Variants in IL18RAP observed in about 807,000 individuals in gnomAD.
IL18RAP encodes interleukin-18 receptor accessory protein.
IL18RAP carries 37 observed loss-of-function variants against 58.1 expected under a neutral mutation model. That is an observed-to-expected ratio of 0.64 (90% CI 0.49 to 0.84). The LOEUF (loss-of-function observed/expected upper bound fraction) is 0.84, where lower values mean the gene tolerates loss of function less well. Ranked by LOEUF, IL18RAP falls within the 40% of genes least tolerant of loss-of-function variation. The probability of loss-of-function intolerance (pLI) is 0.00; values close to 1 mark genes in which losing one functional copy is unlikely to be tolerated. For synonymous variants in IL18RAP, 268 were observed against 257.5 expected, an observed-to-expected ratio of 1.04 and a Z score of -0.39; for missense variants, 667 against 704.8, an observed-to-expected ratio of 0.95 and a Z score of 0.61.
intron 4 of IL18RAP, among the ~76,000 whole-genome samples, chr2:102,440,717 G>A (rs1683054999): frequency 6.6e-6 from 1 of 152,114 alleles, no homozygotes; most frequent in African/African-American, 2.4e-5. Context: ...AGTAAAAGTA[G>A]GTGATGTCAA....
upstream of IL18RAP, chr2:102,418,929 C>A (rs1027499479): frequency 2.6e-5 from 4 of 152,012 alleles, no homozygotes; most frequent in African/African-American, 9.7e-5. Context: ...GTCTTAAGAG[C>A]AGGAAATAAA....
intron 9 of IL18RAP, 96 bp downstream of exon 9, chr2:102,451,117 T>C: frequency 1.0e-6 from 1 of 990,960 alleles, no homozygotes; most frequent in Non-Finnish European, 1.5e-6. Context: ...GGAATATAGA[T>C]CTGGGAGATT....
chr2:102,423,127 C>T, upstream of IL18RAP: 2 of 778,214 alleles, frequency 2.6e-6, no homozygotes, highest in Non-Finnish European at 4.4e-6. Flanking sequence ...GTGTGAGATG[C>T]ACTTTGTTCA....
chr2:102,439,206 T>C lies in IL18RAP; in HGVS notation c.730+1844T>C, dbSNP rs140151599. The C allele has an allele frequency of 1.6e-4, 24 of 152,368 alleles. No individual in the cohort carries two copies. The East Asian group carries it at 4.2e-3, about 27-fold the overall frequency. 9.4% of individuals were successfully genotyped at this position (152,368 alleles called of 1,614,324 possible). The stretch of plus-strand genomic sequence containing the variant: ...GTCGTGACTGAATTTGTATTCAAGA[T>C]AGATCACCTTGTTTGCTGGGTCGGA... On this transcript the variant is annotated intron_variant, in intron 4 of 9. Transcript: ENST00000687160.
At chr2:102,434,198 G>A (rs569835072) in intron 3 of IL18RAP, 1 of 152,152 alleles carries the variant, frequency 6.6e-6, no homozygotes, top group Non-Finnish European at 1.5e-5. Context: ...AACAGAGGAA[G>A]AATTTCCTTA....
At chr2:102,422,752 C>T (rs1311203056), upstream of IL18RAP, among the ~76,000 whole-genome samples, 2 of 152,114 alleles carry the variant, frequency 1.3e-5, no homozygotes, top group Non-Finnish European at 2.9e-5. Flanking sequence ...ATAGAATAGA[C>T]TAGTATATGC....
At position 102,424,423 on chromosome 2, in the gene IL18RAP, G is replaced by T. The variant is rs1681799518; in HGVS notation, c.579+9G>T. Reference sequence around the variant, plus strand: ...CGGTAACCTGGTACAAGGTAAGAGTGAATTCTCTAAAATTAATATAAGAGC... The same window carrying T: ...CGGTAACCTGGTACAAGGTAAGAGTTAATTCTCTAAAATTAATATAAGAGC... On this transcript the variant is annotated intron_variant, in intron 3 of 9. Coordinates refer to ENST00000687160, the MANE Select transcript of IL18RAP (RefSeq NM_001393487.1). 1 of 1,606,978 alleles carries T rather than the reference G, an allele frequency of 6.2e-7. No individual in the cohort carries two copies. The highest frequency in any genetic ancestry group is 1.1e-5 in the South Asian group (1 of 90,100).
intron 4 of IL18RAP, among the ~76,000 whole-genome samples, chr2:102,438,183 G>A (rs976765657): frequency 5.9e-5 from 9 of 152,076 alleles, no homozygotes; most frequent in Non-Finnish European, 1.3e-4. Context: ...CCCTTGGGTC[G>A]TTCTTACCAG....
chr2:102,432,747 G>A (rs1682466324), intron 3 of IL18RAP, among the ~76,000 whole-genome samples: 1 of 152,208 alleles, frequency 6.6e-6, no homozygotes, highest in Non-Finnish European at 1.5e-5. Flanking sequence ...AAGGCTGCAG[G>A]AAGGTGCTGG....
intron 7 of IL18RAP, among the ~76,000 whole-genome samples, chr2:102,446,433 G>C (rs1394636208): frequency 6.6e-6 from 1 of 152,016 alleles, no homozygotes; most frequent in Non-Finnish European, 1.5e-5. Flanking sequence ...CCGTTGTGTC[G>C]TCTTTTATCC....
intron 8 of IL18RAP, among the ~76,000 whole-genome samples, chr2:102,447,852 T>C (rs1383800268): frequency 6.6e-6 from 1 of 152,100 alleles, no homozygotes; most frequent in African/African-American, 2.4e-5. Flanking sequence ...TACCTCAGCC[T>C]CCTGAGTAGC....
upstream of IL18RAP, among the ~76,000 whole-genome samples, chr2:102,422,587 G>A (rs899818479): frequency 6.6e-6 from 1 of 152,174 alleles, no homozygotes; most frequent in African/African-American, 2.4e-5. Flanking sequence ...CTTATCAAGA[G>A]AGGGGACTCA....
At chr2:102,447,013 G>C (rs1683462881) in intron 7 of IL18RAP, 57 bp from the exon 8 acceptor site, 2 of 1,564,774 alleles carry the variant, frequency 1.3e-6, no homozygotes, top group Admixed American at 1.8e-5. Context: ...GCCTGAACAT[G>C]GTCTTGGTCC....
At chr2:102,424,742 G>A (rs1681825391) in intron 3 of IL18RAP, among the ~76,000 whole-genome samples, 2 of 152,154 alleles carry the variant, frequency 1.3e-5, no homozygotes, top group African/African-American at 4.8e-5. Context: ...ACTGTCTTAG[G>A]AAAGCAACAG....
upstream of IL18RAP, among the ~76,000 whole-genome samples, chr2:102,422,943 G>GA (rs1194051965): frequency 1.3e-5 from 2 of 151,898 alleles, no homozygotes; most frequent in Admixed American, 6.6e-5. Flanking sequence ...TTAATGAGGG[G>GA]AAAAATGGCA....
At chr2:102,451,733 T>A in intron 9 of IL18RAP, 33 bp from the exon 10 acceptor site, 1 of 1,565,262 alleles carries the variant, frequency 6.4e-7, no homozygotes, top group South Asian at 1.2e-5. Context: ...TTTAACAATA[T>A]CCATTGCAAA....
At chr2:102,447,563 A>C (rs112519267) in intron 8 of IL18RAP, among the ~76,000 whole-genome samples, 2 of 152,054 alleles carry the variant, frequency 1.3e-5, no homozygotes, top group African/African-American at 4.8e-5. Context: ...TCTATAACCA[A>C]CCTAAAGCAA....
At chr2:102,451,722 G>A (rs969645535) in intron 9 of IL18RAP, 44 bp from the exon 10 acceptor site, 1 of 1,535,642 alleles carries the variant, frequency 6.5e-7, no homozygotes, top group African/African-American at 1.4e-5. Flanking sequence ...CTGACTCAAG[G>A]TTTAACAATA....
At chr2:102,425,647 A>G (rs1247236054) in intron 3 of IL18RAP, among the ~76,000 whole-genome samples, 1 of 151,766 alleles carries the variant, frequency 6.6e-6, no homozygotes, top group Admixed American at 6.6e-5. Flanking sequence ...GGTTCAAAGT[A>G]TCCGTCATCC....
Sources: gnomAD v4.1 joint callset for allele counts (sites outside exome capture counted in the v4.1 genomes callset) on GRCh38, gnomAD v4.1.1 for gene constraint, MANE v1.5 for transcripts, NCBI Gene and HGNC (gene_info 2026-07-23, HGNC 2026-07-21) for gene names.